The following SBF2 variants were observed in gnomAD, a reference collection of about 807,000 sequenced individuals.
SBF2 encodes the protein myotubularin-related protein 13.
Under a neutral mutation model 225.2 loss-of-function variants are expected in SBF2, and 112 were observed. The observed-to-expected ratio is 0.50, with a 90% CI of 0.43 to 0.58. The LOEUF is 0.58. Ranked by LOEUF, SBF2 falls within the 20% of genes least tolerant of loss-of-function variation. The probability of loss-of-function intolerance (pLI) is 0.00; values close to 1 mark genes in which losing one functional copy is unlikely to be tolerated. For synonymous variants in SBF2, 763 were observed against 773.3 expected (o/e 0.99, Z 0.22); for missense variants, 1,996 against 2,206.2 (o/e 0.90, Z 1.91).
intron 2 of SBF2, among the ~76,000 whole-genome samples, chr11:10,127,791 C>G (rs369173914): frequency 6.6e-6 from 1 of 152,018 alleles, no homozygotes; most frequent in Non-Finnish European, 1.5e-5. Context: ...TAATACAGAA[C>G]AGAATACACA....
chr11:10,146,914 C>G (rs1238587192), intron 2 of SBF2, among the ~76,000 whole-genome samples: 1 of 152,054 alleles, frequency 6.6e-6, no homozygotes, highest in Non-Finnish European at 1.5e-5. Flanking sequence ...CATGAACAGA[C>G]ATTTTTCAAA....
intron 3 of SBF2, among the ~76,000 whole-genome samples, chr11:10,031,719 A>C (rs1949266908): frequency 6.6e-6 from 1 of 152,152 alleles, no homozygotes; most frequent in African/African-American, 2.4e-5. Flanking sequence ...CATAAGCAAC[A>C]ATGCTGATAT....
chr11:10,237,473 T>G (rs532307632), intron 1 of SBF2, among the ~76,000 whole-genome samples: 2 of 152,312 alleles, frequency 1.3e-5, no homozygotes, highest in East Asian at 3.9e-4. Context: ...TGACTATCCC[T>G]GGGAATACTG....
At chr11:9,841,172 T>TG (rs1232748597) in intron 25 of SBF2, among the ~76,000 whole-genome samples, 12 of 152,318 alleles carry the variant, frequency 7.9e-5, no homozygotes, top group African/African-American at 2.6e-4. Flanking sequence ...CTTCAATTCA[T>TG]GTTTCCATTT....
chr11:10,215,030 T>C (rs924775708), intron 1 of SBF2, among the ~76,000 whole-genome samples: 1 of 152,170 alleles, frequency 6.6e-6, no homozygotes, highest in African/African-American at 2.4e-5. Flanking sequence ...ACCATCAGTG[T>C]AGGAAGCTGG....
intron 35 of SBF2, among the ~76,000 whole-genome samples, chr11:9,788,282 G>A (rs1055553160): frequency 2.0e-5 from 3 of 152,166 alleles, no homozygotes; most frequent in African/African-American, 7.2e-5. Flanking sequence ...ACTCTTCCTG[G>A]TCAGGAAGCC....
intron 2 of SBF2, among the ~76,000 whole-genome samples, chr11:10,173,465 C>T (rs1261222153): frequency 1.3e-5 from 2 of 152,258 alleles, no homozygotes; most frequent in Non-Finnish European, 2.9e-5. Context: ...GCTTAAAAAA[C>T]GCCGCACCAG....
At chr11:9,867,247 T>C (rs1858301342) in intron 17 of SBF2, among the ~76,000 whole-genome samples, 3 of 152,090 alleles carry the variant, frequency 2.0e-5, no homozygotes, top group Admixed American at 2.0e-4. Flanking sequence ...ACCCCATAAA[T>C]ATATACACCT....
At chr11:9,938,403 G>A (rs1590535965) in intron 16 of SBF2, among the ~76,000 whole-genome samples, 1 of 148,546 alleles carries the variant, frequency 6.7e-6, no homozygotes, top group African/African-American at 2.5e-5. Flanking sequence ...TTTTTTCGGG[G>A]AACTGAACAG....
chr11:10,171,869 T>G (rs554538437), intron 2 of SBF2, among the ~76,000 whole-genome samples: 3 of 152,322 alleles, frequency 2.0e-5, no homozygotes, highest in Middle Eastern at 3.4e-3. Context: ...TTGTTCAATC[T>G]TGGTACGTTG....
intron 17 of SBF2, among the ~76,000 whole-genome samples, chr11:9,887,051 T>C (rs1405705890): frequency 2.0e-5 from 3 of 152,004 alleles, no homozygotes; most frequent in Admixed American, 2.0e-4. Flanking sequence ...TCTTTTGGAG[T>C]AGACAAAGAA....
intron 19 of SBF2, among the ~76,000 whole-genome samples, chr11:9,856,064 G>A (rs1258719513): frequency 6.6e-6 from 1 of 152,134 alleles, no homozygotes; most frequent in African/African-American, 2.4e-5. Context: ...AGGGTAGAGA[G>A]GAAGGCATGG....
At chr11:9,845,250 C>A (rs1214842227) in intron 24 of SBF2, among the ~76,000 whole-genome samples, 1 of 152,088 alleles carries the variant, frequency 6.6e-6, no homozygotes, top group African/African-American at 2.4e-5. Flanking sequence ...TTAATAAAAG[C>A]TGAAGGGATT....
intron 1 of SBF2, among the ~76,000 whole-genome samples, chr11:10,218,507 C>T (rs914043348): frequency 5.3e-5 from 8 of 152,098 alleles, no homozygotes; most frequent in African/African-American, 1.9e-4. Context: ...TCCCAGCAGT[C>T]CACCAAAGTC....
chr11:10,006,338 T>C (rs1948189041), intron 6 of SBF2, among the ~76,000 whole-genome samples: 1 of 152,216 alleles, frequency 6.6e-6, no homozygotes, highest in Non-Finnish European at 1.5e-5. Context: ...CCTCTAATCC[T>C]GCCTCTGTCT....
In SBF2 at chr11:9,916,203, A is replaced by T. The variant is rs186345387; in HGVS notation, c.1861-20192T>A. ...AATCAACTATCACAAATAACTAGGG[A>T]TAATTTTCTTTATGACTTATATCAT... On this transcript the variant is annotated intron_variant, in intron 16 of 39. Coordinates refer to ENST00000256190, the MANE Select transcript of SBF2 (RefSeq NM_030962.4). Among the ~76,000 whole-genome samples the T allele has an allele frequency of 3.7e-4, 57 of 152,360 alleles. 1 individual carries two copies. The highest frequency in any genetic ancestry group is 1.2e-3 in the African/African-American group (51 of 41,584).
intron 2 of SBF2, among the ~76,000 whole-genome samples, chr11:10,087,510 G>C (rs1302551558): frequency 6.6e-6 from 1 of 152,156 alleles, no homozygotes; most frequent in Admixed American, 6.5e-5. Flanking sequence ...TGAGATAATA[G>C]AAGTTAAATT....
At chr11:9,942,619 T>TTAA (rs1865320834) in intron 16 of SBF2, among the ~76,000 whole-genome samples, 1 of 152,044 alleles carries the variant, frequency 6.6e-6, no homozygotes, top group Non-Finnish European at 1.5e-5. Flanking sequence ...ATTATAAAAC[T>TTAA]TTAATTAAGA....
chr11:10,185,449 GT>G (rs1218512983), intron 2 of SBF2, among the ~76,000 whole-genome samples: 1 of 151,890 alleles, frequency 6.6e-6, no homozygotes, highest in African/African-American at 2.4e-5. Context: ...TGGGATTTTT[GT>G]TTTGTTTTGG....
Sources: gnomAD v4.1 joint callset for allele counts (sites outside exome capture counted in the v4.1 genomes callset) on GRCh38, gnomAD v4.1.1 for gene constraint, MANE v1.5 for transcripts, NCBI Gene and HGNC (gene_info 2026-07-23, HGNC 2026-07-21) for gene names.